The following CASZ1 variants were observed in gnomAD, a reference collection of about 807,000 sequenced individuals.
CASZ1 encodes castor zinc finger 1, also known as zinc finger protein castor homolog 1.
Under a neutral mutation model 135.2 loss-of-function variants are expected in CASZ1, and 28 were observed. The ratio of observed to expected loss-of-function variants is 0.21; its 90% CI spans 0.15 to 0.28. CASZ1 has a LOEUF of 0.28. CASZ1 is among the 10% of genes least tolerant of loss of function. The pLI, the probability that CASZ1 is intolerant of heterozygous loss-of-function variation, is 1.00. For missense variants in CASZ1, 2,161 were observed against 2,453.3 expected, an observed-to-expected ratio of 0.88 and a Z score of 2.52; for synonymous variants, 1,068 against 1,073.4, an observed-to-expected ratio of 0.99 and a Z score of 0.10.
chr1:10,752,391 G>A (rs1343367556), intron 2 of CASZ1, among the ~76,000 whole-genome samples: 1 of 152,216 alleles, frequency 6.6e-6, no homozygotes, highest in Non-Finnish European at 1.5e-5. Context: ...CCTCACCAGG[G>A]AAGGCGGTCC....
At chr1:10,643,458 A>G in intron 18 of CASZ1, 147 bp from the exon 19 acceptor site, 1 of 857,866 alleles carries the variant, frequency 1.2e-6, no homozygotes, top group South Asian at 1.8e-5. Context: ...CCGAGGTGGC[A>G]GTCTTAGGAG....
Position 10,670,909 on chromosome 1 carries a change from C to A in CASZ1, c.17-5338G>T, listed in dbSNP as rs77161292. On this transcript the variant is annotated intron_variant, in intron 4 of 20. Transcript: ENST00000377022. ...CCTTCCCTCTTGGACCCAATTCTATCCCCAGCTCCAAACAGAAGGGCCTCT... is the reference window on the plus strand; with the variant it reads ...CCTTCCCTCTTGGACCCAATTCTATACCCAGCTCCAAACAGAAGGGCCTCT... 3.2e-3 allele frequency among the ~76,000 whole-genome samples: 488 copies of A among 152,178 alleles called. 3 individuals carry two copies. The highest frequency in any genetic ancestry group is 0.011 in the African/African-American group (452 of 41,510).
Position 10,755,675 on chromosome 1 carries a change from G to C in CASZ1, c.-77+5026C>G, listed in dbSNP as rs1014935230. 9.9e-5 allele frequency among the ~76,000 whole-genome samples: 15 copies of C among 152,250 alleles called. No homozygotes were observed. Among genetic ancestry groups the C allele is most frequent in the Admixed American group, 4.6e-4 (7 of 15,298 alleles). ...GGGAGAACGGAGGAAGGAGGCCCAG[G>C]CTGGGGTTCGGCACCACCAGGTGGA... On this transcript the variant is annotated intron_variant, in intron 2 of 20. Coordinates refer to ENST00000377022, the MANE Select transcript of CASZ1 (RefSeq NM_001079843.3). This position sits in a 1 kb window ranked among gnomAD's most constrained non-coding sequence, Gnocchi z 4.3.
intron 4 of CASZ1, among the ~76,000 whole-genome samples, chr1:10,671,529 C>T (rs949775641): frequency 1.2e-4 from 19 of 152,222 alleles, no homozygotes; most frequent in African/African-American, 4.6e-4. Flanking sequence ...AGTGCCTGAG[C>T]TGCCCTGCTC....
At chr1:10,678,253 C>A (rs900895186) in intron 4 of CASZ1, among the ~76,000 whole-genome samples, 1 of 152,220 alleles carries the variant, frequency 6.6e-6, no homozygotes, top group Admixed American at 6.5e-5. Context: ...GCGACCATGA[C>A]GAGGACATGA....
intron 18 of CASZ1, 41 bp downstream of exon 18, chr1:10,644,876 G>A: frequency 6.3e-7 from 1 of 1,582,180 alleles, no homozygotes; most frequent in Middle Eastern, 1.8e-4. Flanking sequence ...TGGTCTTGAT[G>A]CCTGCTGCAA....
At chr1:10,772,810 A>G (rs1046633622) in intron 1 of CASZ1, among the ~76,000 whole-genome samples, 6 of 152,288 alleles carry the variant, frequency 3.9e-5, no homozygotes, top group Middle Eastern at 3.4e-3. Flanking sequence ...TACTCTGAGC[A>G]TGAAGAGCTG....
chr1:10,756,255 G>A lies in CASZ1; in HGVS notation c.-77+4446C>T, dbSNP rs1056040286. ...CCTCCAGAGCCTCCTTACAGGGCCA[G>A]GCTGCTGTGCCACACATTGCTTCCC... On this transcript the variant is annotated intron_variant, in intron 2 of 20. Transcript: ENST00000377022. This position sits in a 1 kb window ranked among gnomAD's most constrained non-coding sequence, Gnocchi z 5.9. 6.6e-6 allele frequency among the ~76,000 whole-genome samples: 1 copy of A among 152,044 alleles called. No individual in the cohort carries two copies. Among genetic ancestry groups the A allele is most frequent in the Non-Finnish European group, 1.5e-5 (1 of 67,970 alleles).
chr1:10,717,928 C>T lies in CASZ1; in HGVS notation c.-76-12384G>A, dbSNP rs1417482320. The stretch of plus-strand genomic sequence containing the variant: ...TAAGGCTGTGCAGCCGCTGCGAGCA[C>T]GCCTGGTCGCCTCAGCGACCAAAGC... On this transcript the variant is annotated intron_variant, in intron 2 of 20. Transcript: ENST00000377022. The surrounding 1 kb of genome is among the most constrained non-coding windows in gnomAD (Gnocchi z 4.6). Among the ~76,000 whole-genome samples, 7 of 152,254 alleles carry T rather than the reference C, an allele frequency of 4.6e-5. No homozygotes were observed. The highest frequency in any genetic ancestry group is 2.1e-4 in the South Asian group (1 of 4,830).
chr1:10,642,193 G>C lies in CASZ1; in HGVS notation c.4162+666C>G, dbSNP rs115411475. On this transcript the variant is annotated intron_variant, in intron 20 of 20. Transcript: ENST00000377022. Reference sequence around the variant, plus strand: ...GGACGGAGAGAAGAGGCAGGGGAGGGGGGGGAGGGGCGGCCGGAGCGTGGC... The same window carrying C: ...GGACGGAGAGAAGAGGCAGGGGAGGCGGGGGAGGGGCGGCCGGAGCGTGGC... 7 of 150,966 alleles carry C rather than the reference G, an allele frequency of 4.6e-5. No homozygotes were observed. The South Asian group carries it at 6.2e-4, about 13-fold the overall frequency. The allele number at this position is 150,966 out of a possible 1,614,324, so 9.4% of individuals were successfully genotyped here.
chr1:10,769,217 A>G (rs1640532282), intron 1 of CASZ1, among the ~76,000 whole-genome samples: 1 of 152,228 alleles, frequency 6.6e-6, no homozygotes. Context: ...TGCAGCCCTT[A>G]AGAGACACTT....
At position 10,639,140 on chromosome 1, in the gene CASZ1, GTCCTCGTCGTCTTCGGCCTCC is replaced by G. The variant is rs2124661312; in HGVS notation, c.5061_5081del (p.Glu1687_Glu1693del). On this transcript the variant is annotated inframe_deletion, in exon 21 of 21. Coordinates refer to ENST00000377022, the MANE Select transcript of CASZ1 (RefSeq NM_001079843.3). The surrounding 1 kb of genome is among the most constrained non-coding windows in gnomAD (Gnocchi z 4.0). Reference sequence around the variant, plus strand: ...CGTCGTCGTCCTCGTCGTCGTCCTCGTCCTCGTCGTCTTCGGCCTCCTCCTCCGGCAGCTCCAGCTCCTCCT... The same window carrying G: ...CGTCGTCGTCCTCGTCGTCGTCCTCGTCCTCCGGCAGCTCCAGCTCCTCCT... 1.8e-6 allele frequency: 2 copies of G among 1,107,648 alleles called. No individual in the cohort carries two copies. The highest frequency in any genetic ancestry group is 4.8e-5 in the Admixed American group (1 of 20,846). The allele number at this position is 1,107,648 out of a possible 1,614,324, so 68.6% of individuals were successfully genotyped here.
chr1:10,748,636 C>A (rs1376559744), intron 2 of CASZ1, among the ~76,000 whole-genome samples: 1 of 152,098 alleles, frequency 6.6e-6, no homozygotes, highest in Non-Finnish European at 1.5e-5. Context: ...CAGTCAGCTC[C>A]CCGACCTGAC....
chr1:10,747,125 C>T lies in CASZ1; in HGVS notation c.-77+13576G>A, dbSNP rs1640058946. Among the ~76,000 whole-genome samples, 1 of 152,204 alleles carries T rather than the reference C, an allele frequency of 6.6e-6. No individual in the cohort carries two copies. ...CCATTCCCCTAACGCAAGGTAAGCACACACAGACCCTTTGCCCCAGGAGGC... is the reference window on the plus strand; with the variant it reads ...CCATTCCCCTAACGCAAGGTAAGCATACACAGACCCTTTGCCCCAGGAGGC... On this transcript the variant is annotated intron_variant, in intron 2 of 20. Coordinates refer to ENST00000377022, the MANE Select transcript of CASZ1 (RefSeq NM_001079843.3). The surrounding 1 kb of genome is among the most constrained non-coding windows in gnomAD (Gnocchi z 4.3).
At chr1:10,782,108 C>G (rs1458853009) in intron 1 of CASZ1, among the ~76,000 whole-genome samples, 1 of 152,240 alleles carries the variant, frequency 6.6e-6, no homozygotes, top group Non-Finnish European at 1.5e-5. Flanking sequence ...AGGAAAGACG[C>G]TACCCCTCTA....
chr1:10,734,344 A>G (rs552015493), intron 2 of CASZ1, among the ~76,000 whole-genome samples: 1 of 152,198 alleles, frequency 6.6e-6, no homozygotes, highest in Non-Finnish European at 1.5e-5. Context: ...CTAGGAAACA[A>G]AATACAACGA....
chr1:10,789,162 C>T (rs1161648075), intron 1 of CASZ1, among the ~76,000 whole-genome samples: 1 of 151,486 alleles, frequency 6.6e-6, no homozygotes, highest in East Asian at 1.9e-4. Flanking sequence ...CCCCTGCCCA[C>T]ACCCCCCACC....
intron 2 of CASZ1, among the ~76,000 whole-genome samples, chr1:10,743,639 G>C (rs1433029977): frequency 7.3e-6 from 1 of 136,640 alleles, no homozygotes; most frequent in Admixed American, 7.4e-5. Context: ...GAGGGAGGGA[G>C]TAGGTCTTAT....
rs774618709 is a variant in CASZ1 at position 10,657,577 on chromosome 1, T to C, written c.1410-841A>G. ...GCACTAATAATAATGGTAATAATAATACCACAGAGGAGACAGCACGGGGCA... is the reference window on the plus strand; with the variant it reads ...GCACTAATAATAATGGTAATAATAACACCACAGAGGAGACAGCACGGGGCA... On this transcript the variant is annotated intron_variant, in intron 7 of 20. Coordinates refer to ENST00000377022, the MANE Select transcript of CASZ1 (RefSeq NM_001079843.3). The surrounding 1 kb of genome is among the most constrained non-coding windows in gnomAD (Gnocchi z 5.7). Among the ~76,000 whole-genome samples the C allele has an allele frequency of 2.6e-5, 4 of 151,590 alleles. No individual in the cohort carries two copies. The highest frequency in any genetic ancestry group is 5.9e-5 in the Non-Finnish European group (4 of 67,944).
Sources: allele counts gnomAD v4.1 joint callset (sites outside exome capture counted in the v4.1 genomes callset), GRCh38; gene constraint gnomAD v4.1.1; non-coding constraint Gnocchi (gnomAD v3.1); transcripts MANE v1.5; gene names NCBI Gene and HGNC (gene_info 2026-07-23, HGNC 2026-07-21).